SLC44A3: variants seen among roughly 807,000 people sequenced by gnomAD.
SLC44A3 encodes choline transporter-like protein 3.
Under a neutral mutation model 75.4 loss-of-function variants are expected in SLC44A3, and 74 were observed. That is an observed-to-expected ratio of 0.98 (90% CI 0.81 to 1.19). The LOEUF (loss-of-function observed/expected upper bound fraction) is 1.19, where lower values mean the gene tolerates loss of function less well. SLC44A3 is among the 50% of genes most tolerant of loss of function. SLC44A3 has a pLI of 0.00. For synonymous variants in SLC44A3, 310 were observed against 296.9 expected (o/e 1.04, Z -0.45); for missense variants, 700 against 778.6 (o/e 0.90, Z 1.20).
intron 1 of SLC44A3, chr1:94,820,704 G>T: frequency 7.2e-7 from 1 of 1,385,260 alleles, no homozygotes; most frequent in Admixed American, 3.1e-5. Context: ...ACTTGGGGTC[G>T]TCCTCAGGTG....
intron 9 of SLC44A3, among the ~76,000 whole-genome samples, chr1:94,847,839 A>T (rs890829317): frequency 6.6e-6 from 1 of 152,172 alleles, no homozygotes; most frequent in African/African-American, 2.4e-5. Flanking sequence ...GGGAGGCATG[A>T]CGTGCTGTGA....
intron 1 of SLC44A3, 122 bp downstream of exon 1, chr1:94,820,600 C>T: frequency 1.0e-5 from 14 of 1,387,862 alleles, no homozygotes; most frequent in Non-Finnish European, 1.1e-5. Flanking sequence ...ATCCCGCCCC[C>T]GCTTAGTACC....
intron 9 of SLC44A3, among the ~76,000 whole-genome samples, chr1:94,848,587 A>G (rs1664764494): frequency 6.6e-6 from 1 of 152,184 alleles, no homozygotes; most frequent in Admixed American, 6.5e-5. Flanking sequence ...GTCTGTGGCT[A>G]GACCCCATGA....
At chr1:94,847,611 C>T (rs1362575067) in intron 9 of SLC44A3, among the ~76,000 whole-genome samples, 2 of 152,222 alleles carry the variant, frequency 1.3e-5, no homozygotes, top group African/African-American at 4.8e-5. Flanking sequence ...TTGAAGTGGG[C>T]TCAGCCCTGG....
rs77921340 is a variant in SLC44A3, at chr1:94,851,587, A to C, written c.1073-5748A>C. The stretch of plus-strand genomic sequence containing the variant: ...TTCAGTTAGGGGTGCTGACCCAGGG[A>C]ATAACATCACATCAGTGTCATGGTT... On this transcript the variant is annotated intron_variant, in intron 9 of 14. Transcript: ENST00000271227. Among the ~76,000 whole-genome samples, 164 of 152,350 alleles carry C rather than the reference A, an allele frequency of 1.1e-3. 7 individuals are homozygous for C. In the East Asian group the frequency reaches 0.028, roughly 26 times the overall value.
chr1:94,831,785 G>A (rs1662166271), intron 5 of SLC44A3, among the ~76,000 whole-genome samples: 1 of 152,200 alleles, frequency 6.6e-6, no homozygotes, highest in Admixed American at 6.5e-5. Flanking sequence ...TATACAGGCA[G>A]CTTACCCAAT....
intron 12 of SLC44A3, chr1:94,888,747 T>TTTTTTTTTTTTTA (rs1571475497): frequency 4.1e-6 from 4 of 980,704 alleles, no homozygotes; most frequent in Admixed American, 6.2e-5. Context: ...CTTTTTTTTT[T>TTTTTTTTTTTTTA]GAGGCGGAGT....
At chr1:94,824,391 C>T (rs1661017919) in intron 2 of SLC44A3, 102 bp from the exon 3 acceptor site, 1 of 1,386,138 alleles carries the variant, frequency 7.2e-7, no homozygotes, top group South Asian at 1.6e-5. Context: ...TGGAGAGCTT[C>T]ACGTTCCACC....
intron 3 of SLC44A3, 78 bp downstream of exon 3, chr1:94,824,713 G>A: frequency 1.4e-6 from 2 of 1,464,364 alleles, no homozygotes; most frequent in Non-Finnish European, 1.8e-6. Flanking sequence ...TTGGAGCCTG[G>A]AAACTTTTCC....
intron 9 of SLC44A3, 147 bp downstream of exon 9, chr1:94,845,611 C>A: frequency 1.5e-6 from 1 of 669,036 alleles, no homozygotes; most frequent in Non-Finnish European, 2.3e-6. Context: ...GGGGCTCTGT[C>A]ATGGGGAAAA....
chr1:94,859,016 T>C (rs1666251891), intron 10 of SLC44A3, among the ~76,000 whole-genome samples: 1 of 152,052 alleles, frequency 6.6e-6, no homozygotes, highest in Non-Finnish European at 1.5e-5. Context: ...AATGTAGTGG[T>C]GCAGTTCCGG....
intron 6 of SLC44A3, among the ~76,000 whole-genome samples, chr1:94,839,335 G>GA (rs981731823): frequency 1.3e-5 from 2 of 151,844 alleles, no homozygotes; most frequent in African/African-American, 4.8e-5. Context: ...GGACTTGTAA[G>GA]AAAAAAAGAT....
At chr1:94,844,324 C>T (rs1295285628) in intron 8 of SLC44A3, among the ~76,000 whole-genome samples, 1 of 152,168 alleles carries the variant, frequency 6.6e-6, no homozygotes, top group Non-Finnish European at 1.5e-5. Flanking sequence ...TACTGTAGGA[C>T]ATCCACGGCC....
chr1:94,867,494 C>A, intron 12 of SLC44A3, 77 bp downstream of exon 12: 1 of 1,221,910 alleles, frequency 8.2e-7, no homozygotes, highest in Non-Finnish European at 1.1e-6. Context: ...CAAGGTTTGG[C>A]AAATTCTTCT....
intron 9 of SLC44A3, among the ~76,000 whole-genome samples, chr1:94,848,039 T>A (rs1224569520): frequency 2.0e-5 from 3 of 152,136 alleles, no homozygotes; most frequent in African/African-American, 7.2e-5. Flanking sequence ...CCATCCTGGC[T>A]AACACGGTGA....
At chr1:94,864,618 G>T (rs964497330) in intron 10 of SLC44A3, 125 bp from the exon 11 acceptor site, 11 of 972,734 alleles carry the variant, frequency 1.1e-5, no homozygotes, top group African/African-American at 1.6e-5. Context: ...AGTATAAAAA[G>T]TTCGCCAAAT....
chr1:94,882,431 C>T (rs763426046), intron 12 of SLC44A3, among the ~76,000 whole-genome samples: 4 of 152,154 alleles, frequency 2.6e-5, no homozygotes, highest in Admixed American at 6.5e-5. Flanking sequence ...AGGCATTCCC[C>T]GTCCTCCGTG....
Position 94,820,449 on chromosome 1 carries a change from A to G in SLC44A3, c.-3A>G. On this transcript the variant is annotated 5_prime_UTR_variant, in exon 1 of 15. Coordinates refer to ENST00000271227, the MANE Select transcript of SLC44A3 (RefSeq NM_001114106.3). ...GTCACCGGCCCCCGCCGGCGAGCGC[A>G]CGATGCACTGCCTGGGCGCCGAGTA... 6.8e-7 allele frequency: 1 copy of G among 1,469,776 alleles called. No individual in the cohort carries two copies. The highest frequency in any genetic ancestry group is 9.0e-7 in the Non-Finnish European group (1 of 1,114,164). 91.0% of individuals were successfully genotyped at this position (1,469,776 alleles called of 1,614,324 possible). A position where few individuals can be genotyped will look rare whatever the true frequency, so the allele number is the denominator to read the frequency against.
Position 94,822,597 on chromosome 1 carries a change from G to T in SLC44A3, c.135+1541G>T, listed in dbSNP as rs542715624. Among the ~76,000 whole-genome samples the T allele has an allele frequency of 3.9e-5, 6 of 152,296 alleles. No homozygotes were observed. The East Asian group carries it at 9.6e-4, about 24-fold the overall frequency. On this transcript the variant is annotated intron_variant, in intron 2 of 14. Transcript: ENST00000271227. Reference sequence around the variant, plus strand: ...AGGGCTGGACAAAGGCTTGGGGGAAGGAGCTGAAATTATAAGCAGAGATGG... The same window carrying T: ...AGGGCTGGACAAAGGCTTGGGGGAATGAGCTGAAATTATAAGCAGAGATGG...
Sources: gnomAD v4.1 joint callset for allele counts (sites outside exome capture counted in the v4.1 genomes callset) on GRCh38, gnomAD v4.1.1 for gene constraint, MANE v1.5 for transcripts, NCBI Gene and HGNC (gene_info 2026-07-23, HGNC 2026-07-21) for gene names.